Variants in NPC2 observed in about 807,000 individuals in gnomAD.
NPC2 encodes NPC intracellular cholesterol transporter 2.
In NPC2, 14 loss-of-function variants were observed where a neutral mutation model predicts 17.0. The ratio of observed to expected loss-of-function variants is 0.82; its 90% CI spans 0.54 to 1.29. The LOEUF (loss-of-function observed/expected upper bound fraction) is 1.29. Among genes scored for constraint, NPC2 ranks in the 50% most tolerant of loss-of-function variants. The probability of loss-of-function intolerance (pLI) is 0.00; values close to 1 mark genes in which losing one functional copy is unlikely to be tolerated. For synonymous variants in NPC2, 75 were observed against 69.3 expected (o/e 1.08, Z -0.41); for missense variants, 167 against 183.4 (o/e 0.91, Z 0.52).
Position 74,480,007 on chromosome 14 carries a change from C to T in NPC2, c.*267G>A, listed in dbSNP as rs759972602. 4 of 1,429,254 alleles carry T rather than the reference C, an allele frequency of 2.8e-6. No homozygotes were observed. The East Asian group carries it at 1.1e-4, about 39-fold the overall frequency. The allele number at this position is 1,429,254 out of a possible 1,614,324, so 88.5% of individuals were successfully genotyped here. A position where few individuals can be genotyped will look rare whatever the true frequency, so the allele number is the denominator to read the frequency against. ...AATTTCCAGGTGTAGAAAGAGGCCACAAGTTAATGTTGTTAAAAAAAAAAT... is the reference window on the plus strand; with the variant it reads ...AATTTCCAGGTGTAGAAAGAGGCCATAAGTTAATGTTGTTAAAAAAAAAAT... On this transcript the variant is annotated 3_prime_UTR_variant, in exon 5 of 5. Transcript: ENST00000555619.
At chr14:74,489,868 C>T (rs1452587290) in intron 1 of NPC2, among the ~76,000 whole-genome samples, 1 of 152,224 alleles carries the variant, frequency 6.6e-6, no homozygotes. Flanking sequence ...CTTTACCTCT[C>T]TGGAGATAAT....
Position 74,493,167 on chromosome 14 carries a change from G to A in NPC2, c.82+26C>T. ...GCGGGGCCTTCCACAGAGGGCGCGG[G>A]AACCTTGGGCGGGCCTGGGGCTCAC... On this transcript the variant is annotated intron_variant, in intron 1 of 4. Transcript: ENST00000555619. The surrounding 1 kb of genome is among the most constrained non-coding windows in gnomAD (Gnocchi z 4.1). 6.3e-6 allele frequency: 10 copies of A among 1,595,144 alleles called. No homozygotes were observed. Among genetic ancestry groups the A allele is most frequent in the Non-Finnish European group, 8.5e-6 (10 of 1,172,232 alleles).
intron 3 of NPC2, 26 bp from the exon 4 acceptor site, chr14:74,480,805 A>G (rs756995210): frequency 1.9e-6 from 3 of 1,582,782 alleles, no homozygotes; most frequent in Non-Finnish European, 1.7e-6. Context: ...AATAATTGAG[A>G]AAAATGAAAA....
chr14:74,489,537 AGTGT>A (rs5809668), intron 1 of NPC2, among the ~76,000 whole-genome samples: 1 of 151,890 alleles, frequency 6.6e-6, no homozygotes, highest in African/African-American at 2.4e-5. Flanking sequence ...TCTTAAAATA[AGTGT>A]GTGTGTGTGT....
Position 74,490,740 on chromosome 14 carries a change from C to T in NPC2, c.82+2453G>A, listed in dbSNP as rs1311649684. Among the ~76,000 whole-genome samples, 7 of 152,316 alleles carry T rather than the reference C, an allele frequency of 4.6e-5. No individual in the cohort carries two copies. The East Asian group carries it at 1.3e-3, about 29-fold the overall frequency. ...CTTTCTCACTTGAGGAAATCCCACG[C>T]CAGGGAAGGTGGGTGTAGAGTGGAA... On this transcript the variant is annotated intron_variant, in intron 1 of 4. Transcript: ENST00000555619.
intron 3 of NPC2, 24 bp downstream of exon 3, chr14:74,484,391 G>A (rs1416858280): frequency 6.2e-7 from 1 of 1,613,180 alleles, no homozygotes; most frequent in Non-Finnish European, 8.5e-7. Context: ...GGCCTCCCGT[G>A]TCCTCAATAA....
rs772444418 is a variant in NPC2, at chr14:74,484,537, C to T, written c.241G>A (p.Val81Ile). The part of the protein sequence containing the change: ...KAVVHGILMG[V>I]PVPFPIPEPD... ...TCAGGAATGGGAAAGGGAACTGGGACGCCCATCAGGATGCCATGCACCACG... is the reference window on the plus strand; with the variant it reads ...TCAGGAATGGGAAAGGGAACTGGGATGCCCATCAGGATGCCATGCACCACG... Residue 81 changes from valine to isoleucine, a missense_variant, in exon 3 of 5, where the codon GTC becomes ATC. By Grantham distance (29) the Val-to-Ile change is conservative. Transcript: ENST00000555619. The T allele has an allele frequency of 6.2e-6, 10 of 1,613,944 alleles. No homozygotes were observed. In the East Asian group the frequency reaches 1.3e-4, roughly 22 times the overall value.
At chr14:74,480,440 C>A (rs1444923771) in intron 4 of NPC2, 152 bp from the exon 5 acceptor site, 3 of 795,750 alleles carry the variant, frequency 3.8e-6, no homozygotes, top group Non-Finnish European at 6.7e-6. Context: ...CAGAAAAAAA[C>A]CAATGAAGAC....
chr14:74,486,436 C>T lies in NPC2; in HGVS notation c.83G>A (p.Gly28Asp), dbSNP rs1443294832. The change falls in exon 2 of 5, where the codon GGT becomes GAT. Residue 28 changes from glycine (G) to aspartate (D), a missense_variant and splice_region_variant. Coordinates refer to ENST00000555619, the MANE Select transcript of NPC2 (RefSeq NM_006432.5). The part of the protein sequence containing the change: ...QAEPVQFKDC[G>D]SVDGVIKEVN... ...TTCCTTTATAACTCCATCCACAGAA[C>T]CTGCAAAAGAAAAATGAATTGGAAT... 2 of 1,584,568 alleles carry T rather than the reference C, an allele frequency of 1.3e-6. No homozygotes were observed. Among genetic ancestry groups the T allele is most frequent in the African/African-American group, 1.3e-5 (1 of 74,578 alleles).
chr14:74,491,856 T>C (rs2086776995), intron 1 of NPC2, among the ~76,000 whole-genome samples: 1 of 152,160 alleles, frequency 6.6e-6, no homozygotes, highest in Non-Finnish European at 1.5e-5. Flanking sequence ...ATAATAGCCC[T>C]TTCCTGAAAA....
rs61395005 is a variant in NPC2 at position 74,485,294 on chromosome 14, C to CAAAAAAAAAAAA, written c.191-719_191-708dup. Among the ~76,000 whole-genome samples, 64 of 71,326 alleles carry CAAAAAAAAAAAA rather than the reference C, an allele frequency of 9.0e-4. 4 individuals carry two copies. Among genetic ancestry groups the CAAAAAAAAAAAA allele is most frequent in the African/African-American group, 4.1e-3 (53 of 12,902 alleles). 46.8% of individuals were successfully genotyped at this position (71,326 alleles called of 152,430 possible). On this transcript the variant is annotated intron_variant, in intron 2 of 4. Coordinates refer to ENST00000555619, the MANE Select transcript of NPC2 (RefSeq NM_006432.5). Reference sequence around the variant, plus strand: ...TGGGTGACAGAGCGAGACTCTGTCACAAAAAAAAAAAAAAAAAAAAAAAAA... The same window carrying CAAAAAAAAAAAA: ...TGGGTGACAGAGCGAGACTCTGTCACAAAAAAAAAAAAAAAAAAAAAAAAAAAAAAAAAAAAA...
intron 4 of NPC2, 40 bp downstream of exon 4, chr14:74,480,662 T>C (rs1306892892): frequency 1.3e-6 from 2 of 1,500,236 alleles, no homozygotes; most frequent in Admixed American, 1.7e-5. Context: ...CTCCACTTTC[T>C]TCCCTCCACC....
intron 1 of NPC2, among the ~76,000 whole-genome samples, chr14:74,489,979 G>A (rs193052757): frequency 6.6e-6 from 1 of 152,316 alleles, no homozygotes; most frequent in Admixed American, 6.5e-5. Context: ...TAGTCCATGA[G>A]TTTAATCTAG....
chr14:74,482,297 T>C (rs2139665995), intron 3 of NPC2, among the ~76,000 whole-genome samples: 1 of 152,372 alleles, frequency 6.6e-6, no homozygotes, highest in East Asian at 1.9e-4. Context: ...ATATTGCTCC[T>C]GAGTTCTACT....
intron 2 of NPC2, 145 bp from the exon 3 acceptor site, chr14:74,484,732 C>G: frequency 6.4e-6 from 2 of 312,038 alleles, no homozygotes. Context: ...ACAGTGCAAG[C>G]ATTCACTCCA....
chr14:74,493,376 C>T, upstream of NPC2: 1 of 1,550,852 alleles, frequency 6.4e-7, no homozygotes, highest in Non-Finnish European at 8.7e-7. The surrounding 1 kb of genome is among the most constrained non-coding windows in gnomAD (Gnocchi z 4.1). Context: ...AGTCAGGCGA[C>T]CTGTCACCAG....
intron 4 of NPC2, 68 bp downstream of exon 4, chr14:74,480,634 G>T: frequency 7.8e-7 from 1 of 1,276,692 alleles, no homozygotes; most frequent in Non-Finnish European, 1.1e-6. Context: ...CACTGATTTA[G>T]TTTCAGTCTG....
At chr14:74,485,210 G>A (rs1387782269) in intron 2 of NPC2, among the ~76,000 whole-genome samples, 4 of 145,752 alleles carry the variant, frequency 2.7e-5, no homozygotes, top group African/African-American at 1.0e-4. Flanking sequence ...CGGGAGAATC[G>A]CTTGAGCCCA....
At chr14:74,483,011 G>A (rs1264377011) in intron 3 of NPC2, 2 of 901,696 alleles carry the variant, frequency 2.2e-6, no homozygotes, top group Non-Finnish European at 3.6e-6. Context: ...GGAGGTGTTG[G>A]GCAGTCTGCT....
Sources: allele counts gnomAD v4.1 joint callset (sites outside exome capture counted in the v4.1 genomes callset), GRCh38; gene constraint gnomAD v4.1.1; non-coding constraint Gnocchi (gnomAD v3.1); transcripts MANE v1.5; gene names NCBI Gene and HGNC (gene_info 2026-07-23, HGNC 2026-07-21).